DET1: variants seen among roughly 807,000 people sequenced by gnomAD.
DET1 encodes DET1 partner of COP1 E3 ubiquitin ligase, also known as DET1 homolog.
A neutral mutation model predicts 43.7 loss-of-function variants in DET1; 22 were observed. The ratio of observed to expected loss-of-function variants is 0.50; its 90% CI spans 0.36 to 0.72. The LOEUF is 0.72. Among genes scored for constraint, DET1 ranks in the 30% least tolerant of loss-of-function variants. The pLI is 0.00. For missense variants in DET1, 713 were observed against 713.3 expected, an observed-to-expected ratio of 1.00 and a Z score of 0.00; for synonymous variants, 315 against 266.2, an observed-to-expected ratio of 1.18 and a Z score of -1.79.
chr15:88,542,067 CT>C (rs2057122798), intron 1 of DET1, among the ~76,000 whole-genome samples: 1 of 152,168 alleles, frequency 6.6e-6, no homozygotes, highest in African/African-American at 2.4e-5. Context: ...ATAATCCTCC[CT>C]TCTCTGAAAA....
rs575563252 is a variant in DET1, at chr15:88,535,913, G to A, written c.-10-4198C>T. On this transcript the variant is annotated intron_variant, in intron 1 of 4. Coordinates refer to ENST00000268148, the MANE Select transcript of DET1 (RefSeq NM_001144074.3). ...TAAAGATATAAACTCCAATTCAAAA[G>A]GTTCAGAGACCCCCCAAATTCAGGA... Among the ~76,000 whole-genome samples, 8 of 152,246 alleles carry A rather than the reference G, an allele frequency of 5.3e-5. No individual in the cohort carries two copies. The East Asian group carries it at 1.2e-3, about 22-fold the overall frequency.
At chr15:88,523,851 C>A (rs1007043002) in intron 3 of DET1, among the ~76,000 whole-genome samples, 1 of 152,096 alleles carries the variant, frequency 6.6e-6, no homozygotes, top group Non-Finnish European at 1.5e-5. Flanking sequence ...AGCCTCTGCC[C>A]GGCCGCCACC....
chr15:88,512,863 G>A lies in DET1; in HGVS notation c.*88C>T. The A allele has an allele frequency of 1.9e-6, 3 of 1,541,980 alleles. No homozygotes were observed. The highest frequency in any genetic ancestry group is 2.5e-5 in the South Asian group (2 of 78,584). On this transcript the variant is annotated 3_prime_UTR_variant, in exon 5 of 5. Transcript: ENST00000268148. ...TAGCAGGCTGGAACTAACAGAGCTA[G>A]TAGTCGGGAGCTTTTGCTTTGGAGT...
chr15:88,510,964 G>C (rs143047653), downstream of DET1, among the ~76,000 whole-genome samples: 333 of 152,030 alleles, frequency 2.2e-3, 8 homozygotes, highest in South Asian at 0.059. Context: ...AGTAGAGACA[G>C]GGTTTCACCG....
At chr15:88,508,169 T>C (rs1422458862), downstream of DET1, among the ~76,000 whole-genome samples, 4 of 152,220 alleles carry the variant, frequency 2.6e-5, no homozygotes, top group African/African-American at 4.8e-5. Flanking sequence ...TTCTACATTA[T>C]GGTGAGCTGT....
At chr15:88,517,225 T>A (rs1019881629) in intron 3 of DET1, among the ~76,000 whole-genome samples, 1 of 75,306 alleles carries the variant, frequency 1.3e-5, no homozygotes, top group East Asian at 2.3e-4. Flanking sequence ...GGGTTTTGGG[T>A]TTTTTTTTTT....
intron 7 of DET1, among the ~76,000 whole-genome samples, chr15:88,506,855 G>C (rs2056147238): frequency 6.6e-6 from 1 of 152,188 alleles, no homozygotes; most frequent in African/African-American, 2.4e-5. Flanking sequence ...TCCCTGCCAA[G>C]CAGGGATGGG....
At chr15:88,537,253 T>C (rs1191244245) in intron 1 of DET1, among the ~76,000 whole-genome samples, 1 of 152,200 alleles carries the variant, frequency 6.6e-6, no homozygotes, top group Non-Finnish European at 1.5e-5. Flanking sequence ...ATTTCAATTA[T>C]ATTGGAGTTA....
chr15:88,544,213 G>A (rs572765816), intron 1 of DET1, among the ~76,000 whole-genome samples: 6 of 152,164 alleles, frequency 3.9e-5, no homozygotes, highest in East Asian at 1.9e-4. Flanking sequence ...TGTGCCTATC[G>A]ACCCCAGAGC....
At chr15:88,510,769 T>C (rs1484953731), downstream of DET1, among the ~76,000 whole-genome samples, 3 of 146,946 alleles carry the variant, frequency 2.0e-5, no homozygotes, top group Admixed American at 7.0e-5. Flanking sequence ...GTTTTTTTTT[T>C]TGTTTTTTTT....
At chr15:88,513,623 T>A (rs544563063) in intron 4 of DET1, among the ~76,000 whole-genome samples, 1 of 50,598 alleles carries the variant, frequency 2.0e-5, no homozygotes, top group African/African-American at 6.7e-5. Context: ...TATTAGTGAG[T>A]TTTTTTTTTT....
Position 88,531,519 on chromosome 15 carries a change from G to A in DET1, c.187C>T (p.Arg63Cys), listed in dbSNP as rs753272532. Residue 63 changes from arginine (R) to cysteine (C), a missense_variant, in exon 2 of 5, where the codon CGT becomes TGT. Coordinates refer to ENST00000268148, the MANE Select transcript of DET1 (RefSeq NM_001144074.3). This position sits in a 1 kb window ranked among gnomAD's most constrained non-coding sequence, Gnocchi z 6.2. ...TAGCGTCCATCAGGTGAGAATTTAC[G>A]CAAGAAACAAGGAGGCTTTTCAACG... The part of the protein sequence containing the change: ...VNVEKPPCFL[R>C]KFSPDGRYFI... The A allele has an allele frequency of 6.8e-6, 11 of 1,613,996 alleles. No homozygotes were observed. The highest frequency in any genetic ancestry group is 7.6e-6 in the Non-Finnish European group (9 of 1,179,892).
At chr15:88,525,606 G>A (rs1166377508) in intron 3 of DET1, among the ~76,000 whole-genome samples, 2 of 152,134 alleles carry the variant, frequency 1.3e-5, no homozygotes, top group East Asian at 1.9e-4. Flanking sequence ...CCCTCATGGA[G>A]CTTATCATCT....
intron 1 of DET1, among the ~76,000 whole-genome samples, chr15:88,538,710 A>G (rs2057015784): frequency 6.6e-6 from 1 of 152,194 alleles, no homozygotes; most frequent in Non-Finnish European, 1.5e-5. Flanking sequence ...CTCCCCCGGA[A>G]GGACGGCCGG....
chr15:88,527,147 A>G (rs928911449), intron 3 of DET1, among the ~76,000 whole-genome samples: 3 of 152,196 alleles, frequency 2.0e-5, no homozygotes, highest in African/African-American at 7.2e-5. Context: ...TTGTTCTTAC[A>G]GAACAAAGAG....
At chr15:88,522,886 CTT>C (rs144486649) in intron 3 of DET1, among the ~76,000 whole-genome samples, 108 of 138,428 alleles carry the variant, frequency 7.8e-4, no homozygotes, top group African/African-American at 2.2e-3. Flanking sequence ...TTTTCTTCTT[CTT>C]TTTTTTTTTT....
chr15:88,541,407 G>T (rs910918557), intron 1 of DET1, among the ~76,000 whole-genome samples: 82 of 150,916 alleles, frequency 5.4e-4, no homozygotes, highest in Non-Finnish European at 9.9e-4. Context: ...TGGTTCCCCG[G>T]GTCCCCTTAT....
chr15:88,522,620 T>C (rs1299959950), intron 3 of DET1, among the ~76,000 whole-genome samples: 1 of 148,754 alleles, frequency 6.7e-6, no homozygotes, highest in Non-Finnish European at 1.5e-5. Context: ...GCCATTCTCC[T>C]GTCTCAGCCT....
chr15:88,528,249 T>C (rs1469362983), intron 2 of DET1, among the ~76,000 whole-genome samples: 1 of 152,258 alleles, frequency 6.6e-6, no homozygotes, highest in Non-Finnish European at 1.5e-5. Flanking sequence ...AGCCTGGAGC[T>C]GCCTGTTGGC....
Sources: gnomAD v4.1 joint callset for allele counts (sites outside exome capture counted in the v4.1 genomes callset) on GRCh38, gnomAD v4.1.1 for gene constraint, Gnocchi (gnomAD v3.1) non-coding constraint, MANE v1.5 for transcripts, NCBI Gene and HGNC (gene_info 2026-07-23, HGNC 2026-07-21) for gene names.